Variants in MET observed in about 807,000 individuals in gnomAD.
MET encodes hepatocyte growth factor receptor.
Under a neutral mutation model 133.1 loss-of-function variants are expected in MET, and 48 were observed. That is an observed-to-expected ratio of 0.36 (90% CI 0.29 to 0.46). The LOEUF (loss-of-function observed/expected upper bound fraction) is 0.46. MET is among the 20% of genes least tolerant of loss of function. The pLI is 1.00. For synonymous variants in MET, 628 were observed against 616.5 expected (o/e 1.02, Z -0.28); for missense variants, 1,442 against 1,695.9 (o/e 0.85, Z 2.63).
In MET at chr7:116,739,978, C is replaced by A. The variant is rs1554390902; in HGVS notation, c.1421C>A (p.Thr474Asn). The A allele has an allele frequency of 2.7e-5, 43 of 1,614,104 alleles. No individual in the cohort carries two copies. The highest frequency in any genetic ancestry group is 3.6e-5 in the Non-Finnish European group (43 of 1,179,994). ...GTGGTTTCTCGATCAGGACCATCAA[C>A]CCCTCATGTGAATTTTCTCCTGGAC... ...QVVVSRSGPS[T>N]PHVNFLLDSH... Residue 474 changes from threonine (T) to asparagine (N), a missense_variant, in exon 4 of 21, where the codon ACC becomes AAC. Transcript: ENST00000397752.
intron 5 of MET, among the ~76,000 whole-genome samples, chr7:116,754,985 A>AAAGAAAGAAAGAAAGAAAG (rs1794106261): frequency 7.4e-6 from 1 of 134,510 alleles, no homozygotes; most frequent in African/African-American, 2.9e-5. Flanking sequence ...CAGAGAAAGG[A>AAAGAAAGAAAGAAAGAAAG]AAGAAAGAAA....
chr7:116,741,614 A>T (rs923603015), intron 5 of MET, among the ~76,000 whole-genome samples: 1 of 152,058 alleles, frequency 6.6e-6, no homozygotes, highest in Non-Finnish European at 1.5e-5. Flanking sequence ...ACTGAAGATT[A>T]TTTCCCGGGG....
At position 116,798,237 on chromosome 7, in the gene MET, T is replaced by TG; in HGVS notation, c.*2114dup. 1 of 209,030 alleles carries TG rather than the reference T, an allele frequency of 4.8e-6. No homozygotes were observed. Among genetic ancestry groups the TG allele is most frequent in the Non-Finnish European group, 9.8e-6 (1 of 102,320 alleles). The allele number at this position is 209,030 out of a possible 1,614,324, so 12.9% of individuals were successfully genotyped here. The stretch of plus-strand genomic sequence containing the variant: ...TTATAAACTTGTCCTTAGATTAATG[T>TG]GTCTGGACAGATTGTGGGAGTAAGT... On this transcript the variant is annotated 3_prime_UTR_variant, in exon 21 of 21. Transcript: ENST00000397752.
At chr7:116,726,845 A>G (rs1318839357) in intron 2 of MET, among the ~76,000 whole-genome samples, 1 of 152,218 alleles carries the variant, frequency 6.6e-6, no homozygotes, top group Non-Finnish European at 1.5e-5. Context: ...GACTGCTTCA[A>G]GGCAGAAGAG....
chr7:116,789,044 T>C (rs532845702), intron 19 of MET, among the ~76,000 whole-genome samples: 1 of 152,372 alleles, frequency 6.6e-6, no homozygotes, highest in Admixed American at 6.5e-5. Context: ...TCAGCCCTTA[T>C]CTGCCTCATC....
chr7:116,691,529 AAG>A (rs1796778584), intron 1 of MET, among the ~76,000 whole-genome samples: 1 of 152,216 alleles, frequency 6.6e-6, no homozygotes, highest in Non-Finnish European at 1.5e-5. Flanking sequence ...TATTTAAAAA[AAG>A]AAATAAGGAA....
intron 8 of MET, 180 bp downstream of exon 8, chr7:116,757,954 T>C (rs1055662378): frequency 4.5e-6 from 3 of 670,110 alleles, no homozygotes; most frequent in Non-Finnish European, 7.5e-6. Context: ...TGCTGATTTT[T>C]CTTCCTTTCT....
chr7:116,760,389 A>G (rs755059519), intron 10 of MET, among the ~76,000 whole-genome samples: 3 of 152,102 alleles, frequency 2.0e-5, no homozygotes, highest in African/African-American at 7.2e-5. Context: ...ACCTATCCTT[A>G]TTTTATATAG....
chr7:116,758,590 A>G lies in MET; in HGVS notation c.2234A>G (p.Tyr745Cys). Residue 745 changes from tyrosine (Y) to cysteine (C), a missense_variant, in exon 9 of 21, where the codon TAT becomes TGT. Coordinates refer to ENST00000397752, the MANE Select transcript of MET (RefSeq NM_000245.4). ...AGTTACCGTGAAGATCCCATTGTCTATGAAATTCATCCAACCAAATCTTTT... is the reference window on the plus strand; with the variant it reads ...AGTTACCGTGAAGATCCCATTGTCTGTGAAATTCATCCAACCAAATCTTTT... Reference protein sequence around the residue: ...IFSYREDPIVYEIHPTKSFIS... With the variant: ...IFSYREDPIVCEIHPTKSFIS... 1 of 1,613,862 alleles carries G rather than the reference A, an allele frequency of 6.2e-7. No individual in the cohort carries two copies.
intron 19 of MET, among the ~76,000 whole-genome samples, chr7:116,790,081 C>T (rs1349267470): frequency 6.6e-6 from 1 of 152,186 alleles, no homozygotes; most frequent in Non-Finnish European, 1.5e-5. Context: ...CGTTAGTTTG[C>T]TAAGGATAAC....
chr7:116,775,015 C>G lies in MET; in HGVS notation c.3163C>G (p.Leu1055Val), dbSNP rs1060503534. The G allele has an allele frequency of 1.5e-5, 25 of 1,614,216 alleles. No individual in the cohort carries two copies. Among genetic ancestry groups the G allele is most frequent in the Non-Finnish European group, 1.9e-5 (22 of 1,180,022 alleles). The change falls in exon 15 of 21, where the codon CTC (leucine) becomes GTC (valine). Residue 1055 changes from leucine (L) to valine (V), a missense_variant. Physicochemically the swap from Leu to Val is conservative, Grantham distance 32. This residue lies in a region of MET where 514 missense variants were observed against 659.6 expected (regional missense o/e 0.78). Coordinates refer to ENST00000397752, the MANE Select transcript of MET (RefSeq NM_000245.4). The part of the protein sequence containing the change: ...PLLQNTVHID[L>V]SALNPELVQA... ...ACTGCAAAATACTGTCCACATTGACCTCAGTGCTCTAAATCCAGAGCTGGT... is the reference window on the plus strand; with the variant it reads ...ACTGCAAAATACTGTCCACATTGACGTCAGTGCTCTAAATCCAGAGCTGGT...
rs879471092 is a variant in MET, at chr7:116,755,041, A to AAAGAAAGG, written c.1702-312_1702-311insGAAAGGAA. ...GAAAGAAAGAAAGAAAGAAAGAAAGAAAAGAAAGAAAGAACGGAAGGACTC... is the reference window on the plus strand; with the variant it reads ...GAAAGAAAGAAAGAAAGAAAGAAAGAAAGAAAGGAAAGAAAGAAAGAACGGAAGGACTC... On this transcript the variant is annotated intron_variant, in intron 5 of 20. Transcript: ENST00000397752. Among the ~76,000 whole-genome samples, 14 of 37,400 alleles carry AAAGAAAGG rather than the reference A, an allele frequency of 3.7e-4. No individual in the cohort carries two copies. The East Asian group carries it at 0.011, about 29-fold the overall frequency. 24.5% of individuals were successfully genotyped at this position (37,400 alleles called of 152,430 possible). A position where few individuals can be genotyped will look rare whatever the true frequency, so the allele number is the denominator to read the frequency against.
rs2117113682 is a variant in MET, at chr7:116,796,093, C to T, written c.4142C>T (p.Thr1381Ile). 1.9e-6 allele frequency: 3 copies of T among 1,614,136 alleles called. No individual in the cohort carries two copies. Among genetic ancestry groups the T allele is most frequent in the Non-Finnish European group, 1.7e-6 (2 of 1,180,004 alleles). Residue 1381 changes from threonine (T) to isoleucine (I), a missense_variant, in exon 21 of 21, where the codon ACA becomes ATA. Coordinates refer to ENST00000397752, the MANE Select transcript of MET (RefSeq NM_000245.4). ...SEDNADDEVDTRPASFWETS is the reference protein window; with the variant it reads ...SEDNADDEVDIRPASFWETS ...GATAACGCTGATGATGAGGTGGACA[C>T]ACGACCAGCCTCCTTCTGGGAGACA...
intron 2 of MET, among the ~76,000 whole-genome samples, chr7:116,701,643 T>G (rs1791586574): frequency 2.6e-5 from 4 of 152,194 alleles, no homozygotes; most frequent in African/African-American, 7.2e-5. Context: ...TATTTCCCCC[T>G]ACATACATTT....
rs760278126 is a variant in MET at position 116,699,846 on chromosome 7, A to G, written c.762A>G (p.Glu254=). ...SYPIKYVHAF[E]SNNFIYFLTV... ...CCATTAAGTATGTCCATGCCTTTGA[A>G]AGCAACAATTTTATTTACTTCTTGA... The change falls in exon 2 of 21, where the codon GAA becomes GAG. Residue 254 remains glutamate (E), a synonymous_variant. Coordinates refer to ENST00000397752, the MANE Select transcript of MET (RefSeq NM_000245.4). 1.9e-6 allele frequency: 3 copies of G among 1,614,124 alleles called. No homozygotes were observed. The highest frequency in any genetic ancestry group is 2.5e-6 in the Non-Finnish European group (3 of 1,179,986).
intron 5 of MET, among the ~76,000 whole-genome samples, chr7:116,754,152 T>TAATG (rs574292626): frequency 9.4e-4 from 143 of 151,994 alleles, no homozygotes; most frequent in South Asian, 1.5e-3. Context: ...AATAAGTAAA[T>TAATG]AATGAATGAA....
chr7:116,745,119 T>C (rs2116860138), intron 5 of MET, among the ~76,000 whole-genome samples: 1 of 152,284 alleles, frequency 6.6e-6, no homozygotes, highest in South Asian at 2.1e-4. Context: ...ATCACAAGCA[T>C]TTTTATACAC....
rs1487106127 is a variant in MET, at chr7:116,699,212, T to C, written c.128T>C (p.Leu43Pro). 5.6e-6 allele frequency: 9 copies of C among 1,614,000 alleles called. No individual in the cohort carries two copies. Among genetic ancestry groups the C allele is most frequent in the Non-Finnish European group, 7.6e-6 (9 of 1,179,930 alleles). Reference sequence around the variant, plus strand: ...ATGAATGTGAATATGAAGTATCAGCTTCCCAACTTCACCGCGGAAACACCC... The same window carrying C: ...ATGAATGTGAATATGAAGTATCAGCCTCCCAACTTCACCGCGGAAACACCC... ...SEMNVNMKYQLPNFTAETPIQ... is the reference protein window; with the variant it reads ...SEMNVNMKYQPPNFTAETPIQ... Residue 43 changes from leucine to proline, a missense_variant, in exon 2 of 21, where the codon CTT (leucine) becomes CCT (proline). Physicochemically the swap from Leu to Pro is moderately conservative, Grantham distance 98. This residue lies in a region of MET where 762 missense variants were observed against 792.4 expected (regional missense o/e 0.96). Coordinates refer to ENST00000397752, the MANE Select transcript of MET (RefSeq NM_000245.4).
At chr7:116,684,456 A>G (rs764653966) in intron 1 of MET, among the ~76,000 whole-genome samples, 7 of 152,226 alleles carry the variant, frequency 4.6e-5, no homozygotes, top group Non-Finnish European at 7.3e-5. Context: ...ATAGTGTGGT[A>G]AAGGCTAGAT....
Sources: allele counts gnomAD v4.1 joint callset (sites outside exome capture counted in the v4.1 genomes callset), GRCh38; gene constraint gnomAD v4.1.1; regional missense constraint gnomAD v4.1.1; transcripts MANE v1.5; gene names NCBI Gene and HGNC (gene_info 2026-07-23, HGNC 2026-07-21).